The following MAP3K7 variants were observed in gnomAD, a reference collection of about 807,000 sequenced individuals.
MAP3K7 encodes the protein TGF-beta activated kinase 1.
A neutral mutation model predicts 84.8 loss-of-function variants in MAP3K7; 21 were observed. That is an observed-to-expected ratio of 0.25 (90% CI 0.18 to 0.36). MAP3K7 has a LOEUF of 0.36. Ranked by LOEUF, MAP3K7 falls within the 10% of genes least tolerant of loss-of-function variation. The probability of loss-of-function intolerance (pLI) is 1.00; values close to 1 mark genes in which losing one functional copy is unlikely to be tolerated. For synonymous variants in MAP3K7, 241 were observed against 247.7 expected, an observed-to-expected ratio of 0.97 and a Z score of 0.25; for missense variants, 503 against 747.7, an observed-to-expected ratio of 0.67 and a Z score of 3.82.
chr6:90,522,361 A>G (rs1775179527), intron 14 of MAP3K7, among the ~76,000 whole-genome samples: 1 of 152,178 alleles, frequency 6.6e-6, no homozygotes, highest in Non-Finnish European at 1.5e-5. Flanking sequence ...TATACAGATT[A>G]GTGTAGACTG....
At chr6:90,586,104 G>A (rs1777440346) in intron 1 of MAP3K7, among the ~76,000 whole-genome samples, 2 of 152,030 alleles carry the variant, frequency 1.3e-5, no homozygotes, top group African/African-American at 4.8e-5. Context: ...CGGGCCCGGT[G>A]GCTCACGCCT....
intron 10 of MAP3K7, 37 bp downstream of exon 10, chr6:90,548,010 T>C: frequency 6.4e-7 from 1 of 1,570,018 alleles, no homozygotes; most frequent in Non-Finnish European, 8.6e-7. Flanking sequence ...TGACTACTGG[T>C]AAGGTTACCA....
intron 1 of MAP3K7, among the ~76,000 whole-genome samples, chr6:90,581,432 G>A (rs1290727714): frequency 6.6e-6 from 1 of 152,132 alleles, no homozygotes; most frequent in African/African-American, 2.4e-5. Context: ...AGGACTTGGA[G>A]CCTCCAACTA....
rs1244444578 is a variant in MAP3K7 at position 90,548,164 on chromosome 6, G to T, written c.963C>A (p.Asp321Glu). Residue 321 changes from aspartate (D) to glutamate (E), a missense_variant, in exon 10 of 17, where the codon GAC becomes GAA. This residue lies in a region of MAP3K7 where 286 missense variants were observed against 313.6 expected (regional missense o/e 0.91). Transcript: ENST00000369329. ...TGTTACTCGTATTTGTAGAAGCAAT[G>T]TCCATGAATGAGCCTAGGAAAAGCA... The part of the protein sequence containing the change: ...NSATSTGSFM[D>E]IASTNTSNKS... 11 of 1,608,860 alleles carry T rather than the reference G, an allele frequency of 6.8e-6. No individual in the cohort carries two copies. In the Admixed American group the frequency reaches 1.7e-4, roughly 25 times the overall value.
At position 90,514,561 on chromosome 6, in the gene MAP3K7, G is replaced by A. The variant is rs543393837; in HGVS notation, c.*1940C>T. On this transcript the variant is annotated 3_prime_UTR_variant, in exon 17 of 17. Transcript: ENST00000369329. ...CCATAATAAAATTTCCCTTAAATGT[G>A]TTATAATACAGCAAAACACATCAAT... 4 of 151,764 alleles carry A rather than the reference G, an allele frequency of 2.6e-5. No homozygotes were observed. The South Asian group carries it at 8.3e-4, about 32-fold the overall frequency. 9.4% of individuals were successfully genotyped at this position (151,764 alleles called of 1,614,324 possible).
chr6:90,531,039 C>T lies in MAP3K7; in HGVS notation c.1356+5298G>A, dbSNP rs149869143. 1.2e-3 allele frequency among the ~76,000 whole-genome samples: 177 copies of T among 152,226 alleles called. 1 individual carries two copies. Among genetic ancestry groups the T allele is most frequent in the African/African-American group, 3.9e-3 (161 of 41,558 alleles). On this transcript the variant is annotated intron_variant, in intron 13 of 16. Coordinates refer to ENST00000369329, the MANE Select transcript of MAP3K7 (RefSeq NM_145331.3). The stretch of plus-strand genomic sequence containing the variant: ...AGGCAAACTTGACTTACCAAAAGAA[C>T]TGGATATGAAAGTCACAAGAGTATA...
chr6:90,544,500 A>G, intron 12 of MAP3K7, 52 bp downstream of exon 12: 1 of 1,485,498 alleles, frequency 6.7e-7, no homozygotes, highest in Non-Finnish European at 9.4e-7. Context: ...AGTACCAGGG[A>G]TCATTATTCC....
rs11468988 is a variant in MAP3K7 at position 90,576,419 on chromosome 6, T to TCACACA, written c.121-4618_121-4613dup. ...GCCTGGGCAACAGAGCTAGACTCTG[T>TCACACA]CACACACACACACACACACACACAC... On this transcript the variant is annotated intron_variant, in intron 1 of 16. Transcript: ENST00000369329. Among the ~76,000 whole-genome samples, 1,142 of 136,858 alleles carry TCACACA rather than the reference T, an allele frequency of 8.3e-3. 8 individuals carry two copies. Among genetic ancestry groups the TCACACA allele is most frequent in the East Asian group, 0.011 (48 of 4,386 alleles). The allele number at this position is 136,858 out of a possible 152,430, so 89.8% of individuals were successfully genotyped here.
chr6:90,528,719 A>G (rs1478788289), intron 13 of MAP3K7, among the ~76,000 whole-genome samples: 2 of 152,306 alleles, frequency 1.3e-5, no homozygotes, highest in Non-Finnish European at 2.9e-5. Flanking sequence ...AAAATGGGGT[A>G]CCCATTCCCT....
intron 13 of MAP3K7, among the ~76,000 whole-genome samples, chr6:90,528,668 G>A (rs541171812): frequency 2.0e-5 from 3 of 152,242 alleles, no homozygotes; most frequent in Admixed American, 1.3e-4. Context: ...CACATGAGAT[G>A]TTTTGACACA....
chr6:90,513,648 T>C lies in MAP3K7; in HGVS notation c.*2853A>G, dbSNP rs1774871266. The C allele has an allele frequency of 2.0e-5, 3 of 152,260 alleles. No individual in the cohort carries two copies. The highest frequency in any genetic ancestry group is 1.3e-4 in the Admixed American group (2 of 15,268). The allele number at this position is 152,260 out of a possible 1,614,324, so 9.4% of individuals were successfully genotyped here. A position where few individuals can be genotyped will look rare whatever the true frequency, so the allele number is the denominator to read the frequency against. On this transcript the variant is annotated 3_prime_UTR_variant, in exon 17 of 17. Transcript: ENST00000369329. ...AAAAAGCTTCCTTCAGTTACAAATA[T>C]GCACAAGAATTTCTGCATTACATCA...
chr6:90,586,839 G>A lies in MAP3K7; in HGVS notation c.45C>T (p.Ala15=), dbSNP rs201710994. The A allele has an allele frequency of 1.6e-5, 25 of 1,610,920 alleles. No homozygotes were observed. Among genetic ancestry groups the A allele is most frequent in the Non-Finnish European group, 2.0e-5 (24 of 1,178,610 alleles). The change falls in exon 1 of 17, where the codon GCC becomes GCT. Residue 15 remains alanine (A), a synonymous_variant. Coordinates refer to ENST00000369329, the MANE Select transcript of MAP3K7 (RefSeq NM_145331.3). The part of the protein sequence containing the change: ...SAASSSSSSS[A]GEMIEAPSQV... ...GGGAAGGGGCTTCGATCATCTCACC[G>A]GCCGAAGACGAGGAGGAGGAGGAGG...
chr6:90,578,096 AG>A (rs1427092007), intron 1 of MAP3K7, among the ~76,000 whole-genome samples: 1 of 152,218 alleles, frequency 6.6e-6, no homozygotes, highest in East Asian at 1.9e-4. Context: ...TACATAAAAG[AG>A]GTAAGTATTA....
In MAP3K7 at chr6:90,568,468, C is replaced by A. The variant is rs867977340; in HGVS notation, c.297+90G>T. 1.0e-4 allele frequency: 115 copies of A among 1,113,226 alleles called. No individual in the cohort carries two copies. The Middle Eastern group carries it at 1.9e-3, about 18-fold the overall frequency. 69.0% of individuals were successfully genotyped at this position (1,113,226 alleles called of 1,614,324 possible). A position where few individuals can be genotyped will look rare whatever the true frequency, so the allele number is the denominator to read the frequency against. On this transcript the variant is annotated intron_variant, in intron 3 of 16. Coordinates refer to ENST00000369329, the MANE Select transcript of MAP3K7 (RefSeq NM_145331.3). ...ATATTTTTGAAAAACTTAAAAAAAA[C>A]AAAAAAACCCAAAAATAGCTACATA...
chr6:90,575,998 A>T (rs1777063309), intron 1 of MAP3K7, among the ~76,000 whole-genome samples: 1 of 152,174 alleles, frequency 6.6e-6, no homozygotes, highest in African/African-American at 2.4e-5. Context: ...TATACAAACA[A>T]AAGATGAGTA....
At chr6:90,584,347 AAAGGTC>A (rs1051765789) in intron 1 of MAP3K7, among the ~76,000 whole-genome samples, 9 of 152,232 alleles carry the variant, frequency 5.9e-5, no homozygotes, top group Admixed American at 5.9e-4. Flanking sequence ...TCAATATCAG[AAAGGTC>A]CAAATTCAAT....
At chr6:90,583,133 C>A (rs1174663947) in intron 1 of MAP3K7, among the ~76,000 whole-genome samples, 1 of 152,116 alleles carries the variant, frequency 6.6e-6, no homozygotes, top group Non-Finnish European at 1.5e-5. Flanking sequence ...TCTGCCCGCA[C>A]TGGCCCTCCA....
At chr6:90,548,217 T>A in intron 9 of MAP3K7, 40 bp from the exon 10 acceptor site, 1 of 1,565,068 alleles carries the variant, frequency 6.4e-7, no homozygotes, top group Non-Finnish European at 8.7e-7. Context: ...TGGCTGGAAA[T>A]AATACAAATG....
At chr6:90,548,015 T>C in intron 10 of MAP3K7, 32 bp downstream of exon 10, 6 of 1,585,426 alleles carry the variant, frequency 3.8e-6, no homozygotes, top group Middle Eastern at 3.6e-4. Context: ...ACTGGTAAGG[T>C]TACCAGTTTT....
Sources: gnomAD v4.1 joint callset for allele counts (sites outside exome capture counted in the v4.1 genomes callset) on GRCh38, gnomAD v4.1.1 for gene constraint, gnomAD v4.1.1 regional missense constraint, MANE v1.5 for transcripts, NCBI Gene and HGNC (gene_info 2026-07-23, HGNC 2026-07-21) for gene names.